The following KCNMA1 variants were observed in gnomAD, a reference collection of about 807,000 sequenced individuals.
KCNMA1 encodes Calcium-activated potassium channel subunit alpha-1.
Under a neutral mutation model 140.0 loss-of-function variants are expected in KCNMA1, and 29 were observed. That is an observed-to-expected ratio of 0.21 (90% confidence interval 0.15 to 0.28). The LOEUF is 0.28. Ranked by LOEUF, KCNMA1 falls within the 10% of genes least tolerant of loss-of-function variation. The probability of loss-of-function intolerance (pLI) is 1.00; values close to 1 mark genes in which losing one functional copy is unlikely to be tolerated. For missense variants in KCNMA1, 880 were observed against 1,602.2 expected (o/e 0.55, Z 7.70); for synonymous variants, 612 against 611.9 (o/e 1.00, Z 0.00).
At chr10:77,201,091 G>C (rs770422728) in intron 3 of KCNMA1, among the ~76,000 whole-genome samples, 1 of 152,136 alleles carries the variant, frequency 6.6e-6, no homozygotes, top group Non-Finnish European at 1.5e-5. Context: ...GGGTGTGCAG[G>C]GGGTAGGGGG....
chr10:77,333,185 G>T (rs1189784488), intron 2 of KCNMA1, among the ~76,000 whole-genome samples: 1 of 152,082 alleles, frequency 6.6e-6, no homozygotes, highest in Admixed American at 6.5e-5. Flanking sequence ...ACCTTGGATT[G>T]CCCTGGACAG....
At chr10:77,307,879 A>G (rs1300791266) in intron 2 of KCNMA1, among the ~76,000 whole-genome samples, 1 of 152,140 alleles carries the variant, frequency 6.6e-6, no homozygotes, top group Non-Finnish European at 1.5e-5. Flanking sequence ...GATATTTTCA[A>G]CTTATGATGG....
chr10:77,029,768 C>A (rs1437218916), intron 15 of KCNMA1, among the ~76,000 whole-genome samples: 1 of 152,074 alleles, frequency 6.6e-6, no homozygotes, highest in Non-Finnish European at 1.5e-5. Flanking sequence ...ACAGCAAGCA[C>A]AGAGGCCCTG....
At chr10:77,458,964 G>A (rs2097804391) in intron 1 of KCNMA1, among the ~76,000 whole-genome samples, 1 of 152,152 alleles carries the variant, frequency 6.6e-6, no homozygotes, top group African/African-American at 2.4e-5. Context: ...AAATCATAGG[G>A]GTAGCACTGG....
chr10:77,630,526 T>G (rs1349916424), intron 1 of KCNMA1, among the ~76,000 whole-genome samples: 1 of 152,172 alleles, frequency 6.6e-6, no homozygotes, highest in African/African-American at 2.4e-5. Context: ...GCTACCCTGG[T>G]CTGAAAGGAG....
chr10:77,585,830 T>C (rs1298990116), intron 1 of KCNMA1, among the ~76,000 whole-genome samples: 1 of 152,152 alleles, frequency 6.6e-6, no homozygotes, highest in Non-Finnish European at 1.5e-5. Flanking sequence ...TGAAGACAAA[T>C]ACTGAGATTC....
intron 1 of KCNMA1, among the ~76,000 whole-genome samples, chr10:77,598,236 G>C (rs2081506161): frequency 2.6e-5 from 4 of 152,168 alleles, no homozygotes; most frequent in African/African-American, 9.6e-5. Context: ...CTCCCAAAGT[G>C]CTGGGATTAC....
intron 2 of KCNMA1, among the ~76,000 whole-genome samples, chr10:77,270,294 C>A (rs1175971252): frequency 2.6e-5 from 4 of 152,178 alleles, no homozygotes; most frequent in Admixed American, 2.0e-4. Flanking sequence ...CCACCAATCT[C>A]TATCCATGTG....
chr10:77,623,702 CA>C (rs111575059), intron 1 of KCNMA1, among the ~76,000 whole-genome samples: 1,314 of 123,826 alleles, frequency 0.011, 13 homozygotes, highest in African/African-American at 0.03. Context: ...GACTCCGTCT[CA>C]AAAAAAAAAA....
rs558397641 is a variant in KCNMA1, at chr10:77,043,904, C to T, written c.1750-4267G>A. On this transcript the variant is annotated intron_variant, in intron 14 of 27. Transcript: ENST00000286628. The stretch of plus-strand genomic sequence containing the variant: ...CCGTTTTGCAAGATAAAAAGAGTTC[C>T]GGAAGTGGATGGTAGTGATGGTCAC... Among the ~76,000 whole-genome samples, 6 of 152,210 alleles carry T rather than the reference C, an allele frequency of 3.9e-5. No homozygotes were observed. In the South Asian group the frequency reaches 1.2e-3, roughly 32 times the overall value.
At chr10:77,361,400 G>T (rs144181785) in intron 2 of KCNMA1, among the ~76,000 whole-genome samples, 1 of 152,194 alleles carries the variant, frequency 6.6e-6, no homozygotes, top group African/African-American at 2.4e-5. Context: ...ACAGTGCTGG[G>T]CGCCCAAACA....
chr10:77,035,889 G>T (rs1463917796), intron 15 of KCNMA1, among the ~76,000 whole-genome samples: 1 of 152,198 alleles, frequency 6.6e-6, no homozygotes, highest in Non-Finnish European at 1.5e-5. Flanking sequence ...ATCTGTGATG[G>T]TTAATATTGA....
At chr10:77,011,847 A>G (rs2090842517) in intron 18 of KCNMA1, 120 bp downstream of exon 18, 1 of 893,538 alleles carries the variant, frequency 1.1e-6, no homozygotes, top group South Asian at 1.4e-5. Context: ...TGGGTGAAAC[A>G]TAAACATACT....
At chr10:77,010,751 A>G (rs891058175) in intron 18 of KCNMA1, among the ~76,000 whole-genome samples, 3 of 151,986 alleles carry the variant, frequency 2.0e-5, no homozygotes, top group African/African-American at 7.2e-5. Flanking sequence ...TAGGAGTACA[A>G]TGAAAAAGGT....
intron 2 of KCNMA1, among the ~76,000 whole-genome samples, chr10:77,321,209 AG>A (rs1245856161): frequency 5.3e-5 from 8 of 152,250 alleles, no homozygotes; most frequent in Admixed American, 6.5e-5. Flanking sequence ...AATGGACAGA[AG>A]GCTCTTTGTG....
intron 1 of KCNMA1, among the ~76,000 whole-genome samples, chr10:77,450,393 A>G (rs1292368978): frequency 6.6e-6 from 1 of 152,168 alleles, no homozygotes; most frequent in African/African-American, 2.4e-5. Context: ...AGCTTTACAT[A>G]TATTATGTAT....
intron 1 of KCNMA1, among the ~76,000 whole-genome samples, chr10:77,610,474 G>GCT (rs1050953424): frequency 4.6e-5 from 7 of 151,734 alleles, no homozygotes; most frequent in Non-Finnish European, 8.8e-5. Context: ...AAGGGTGGAG[G>GCT]CTCTCTCTCT....
chr10:77,134,997 C>CAAAAA (rs71028253), intron 5 of KCNMA1, among the ~76,000 whole-genome samples: 226 of 11,770 alleles, frequency 0.019, 65 homozygotes, highest in Non-Finnish European at 0.025. Flanking sequence ...GACTCTGTCT[C>CAAAAA]AAAAAAAAAA....
chr10:77,017,522 T>C (rs1293635027), intron 17 of KCNMA1, among the ~76,000 whole-genome samples: 2 of 152,210 alleles, frequency 1.3e-5, no homozygotes, highest in African/African-American at 4.8e-5. Flanking sequence ...ATGGCAATCT[T>C]TCCCCAATTT....
Sources: gnomAD v4.1 joint callset for allele counts (sites outside exome capture counted in the v4.1 genomes callset) on GRCh38, gnomAD v4.1.1 for gene constraint, MANE v1.5 for transcripts, NCBI Gene and HGNC (gene_info 2026-07-23, HGNC 2026-07-21) for gene names.